HERC2: variants seen among roughly 807,000 people sequenced by gnomAD.
HERC2 encodes the protein E3 ubiquitin-protein ligase HERC2.
HERC2 carries 102 observed loss-of-function variants against 537.7 expected under a neutral mutation model. The ratio of observed to expected loss-of-function variants is 0.19; its 90% confidence interval spans 0.16 to 0.22. The LOEUF is 0.22. Ranked by LOEUF, HERC2 falls within the 10% of genes least tolerant of loss-of-function variation. The pLI, the probability that HERC2 is intolerant of heterozygous loss-of-function variation, is 1.00. For synonymous variants in HERC2, 2,224 were observed against 2,466.2 expected (o/e 0.90, Z 2.91); for missense variants, 4,236 against 6,198.2 (o/e 0.68, Z 10.63).
At chr15:28,219,132 C>A (rs1900246994) in intron 37 of HERC2, among the ~76,000 whole-genome samples, 1 of 152,228 alleles carries the variant, frequency 6.6e-6, no homozygotes, top group Admixed American at 6.5e-5. Context: ...ATAAATGATT[C>A]CAAGGTTTCA....
chr15:28,151,899 TGA>T (rs1566947754), intron 70 of HERC2, among the ~76,000 whole-genome samples: 32 of 152,184 alleles, frequency 2.1e-4, no homozygotes, highest in Non-Finnish European at 3.1e-4. Flanking sequence ...AACTACAGGA[TGA>T]AGGGAAATGC....
chr15:28,175,411 T>A, intron 64 of HERC2, 101 bp downstream of exon 64: 1 of 1,150,122 alleles, frequency 8.7e-7, no homozygotes, highest in Non-Finnish European at 1.2e-6. Context: ...TCAGCTGATT[T>A]CATCAACAGC....
intron 5 of HERC2, among the ~76,000 whole-genome samples, chr15:28,278,070 A>C (rs2141034605): frequency 1.3e-5 from 2 of 152,056 alleles, no homozygotes; most frequent in Admixed American, 1.3e-4. Flanking sequence ...AGCCCGGGCA[A>C]CATGGCAAAA....
At chr15:28,189,552 C>A (rs1461753211) in intron 55 of HERC2, among the ~76,000 whole-genome samples, 3 of 152,188 alleles carry the variant, frequency 2.0e-5, no homozygotes, top group Non-Finnish European at 4.4e-5. Flanking sequence ...ATTAGCACCA[C>A]TGGTATTGGC....
intron 10 of HERC2, among the ~76,000 whole-genome samples, chr15:28,269,743 G>A (rs144052444): frequency 6.6e-6 from 1 of 152,258 alleles, no homozygotes; most frequent in East Asian, 1.9e-4. Flanking sequence ...TCACCATTTT[G>A]TGCTTTAGCA....
rs1250444427 is a variant in HERC2, at chr15:28,167,832, T to G, written c.10414-5A>C. 9 of 1,606,896 alleles carry G rather than the reference T, an allele frequency of 5.6e-6. No individual in the cohort carries two copies. Among genetic ancestry groups the G allele is most frequent in the Non-Finnish European group, 7.6e-6 (9 of 1,177,882 alleles). On this transcript the variant is annotated splice_polypyrimidine_tract_variant and splice_region_variant and intron_variant, in intron 67 of 92. Transcript: ENST00000261609. ...TGCGTCCTCAGAGGAAACAATCTAG[T>G]CCAAGAGTGCACAGTAGGGGAAGTT...
Position 28,186,651 on chromosome 15 carries a change from C to CTCT in HERC2, c.8748_8750dup (p.Glu2918dup). On this transcript the variant is annotated inframe_insertion, in exon 56 of 93. Transcript: ENST00000261609. Reference sequence around the variant, plus strand: ...AGAAAGGAACTGCAGCCAAATCTTCCTCTTCTGCACGGATCCGTCCCAGCA... The same window carrying CTCT: ...AGAAAGGAACTGCAGCCAAATCTTCCTCTTCTTCTGCACGGATCCGTCCCAGCA... The CTCT allele has an allele frequency of 3.1e-6, 5 of 1,614,140 alleles. No individual in the cohort carries two copies. The highest frequency in any genetic ancestry group is 3.4e-6 in the Non-Finnish European group (4 of 1,179,992).
At position 28,152,703 on chromosome 15, in the gene HERC2, G is replaced by A; in HGVS notation, c.10874C>T (p.Ser3625Phe). Reference sequence around the variant, plus strand: ...TGGTATCTTCACTGTGCCACTGGTGGAGGTGTCGTCGGTGTAAGGGTGGCT... The same window carrying A: ...TGGTATCTTCACTGTGCCACTGGTGAAGGTGTCGTCGGTGTAAGGGTGGCT... Reference protein sequence around the residue: ...ESSHPYTDDTSTSGTVKIPGA... With the variant: ...ESSHPYTDDTFTSGTVKIPGA... The change falls in exon 70 of 93, where the codon TCC (serine) becomes TTC (phenylalanine). Residue 3625 changes from serine to phenylalanine, a missense_variant. Ser to Phe is a radical substitution (Grantham distance 155, BLOSUM62 -2). Around this residue, in one of 27 missense-constraint regions of HERC2, gnomAD observed 356 missense variants for 450.9 expected, o/e 0.79. Coordinates refer to ENST00000261609, the MANE Select transcript of HERC2 (RefSeq NM_004667.6). 1 of 1,551,018 alleles carries A rather than the reference G, an allele frequency of 6.4e-7. No homozygotes were observed. The highest frequency in any genetic ancestry group is 8.7e-7 in the Non-Finnish European group (1 of 1,146,944).
intron 52 of HERC2, among the ~76,000 whole-genome samples, chr15:28,194,527 G>A (rs1459734904): frequency 1.3e-5 from 2 of 151,372 alleles, no homozygotes; most frequent in Admixed American, 6.6e-5. Context: ...CCAAGATCAC[G>A]CGCCACTGCA....
chr15:28,171,931 C>T (rs999412558), intron 65 of HERC2, among the ~76,000 whole-genome samples: 3 of 151,748 alleles, frequency 2.0e-5, no homozygotes, highest in Admixed American at 6.6e-5. Context: ...AAAAATTAGC[C>T]GGGCGTGGTG....
intron 2 of HERC2, chr15:28,320,331 C>A (rs1313387176): frequency 6.6e-6 from 1 of 152,250 alleles, no homozygotes; most frequent in Non-Finnish European, 1.5e-5. Context: ...TCAGGCTGGT[C>A]TCCAACTCCT....
Position 28,175,989 on chromosome 15 carries a change from G to A in HERC2, c.9687-333C>T, listed in dbSNP as rs537112862. Among the ~76,000 whole-genome samples the A allele has an allele frequency of 2.6e-5, 4 of 152,252 alleles. No homozygotes were observed. The South Asian group carries it at 8.3e-4, about 32-fold the overall frequency. On this transcript the variant is annotated intron_variant, in intron 63 of 92. Transcript: ENST00000261609. ...ATACATCTTTCTCAAGCTGCCTCGG[G>A]TCATGACATTGGCACTAAGGCCTGA... is the stretch of plus-strand genomic sequence containing the variant.
chr15:28,318,073 C>G (rs773653412), intron 2 of HERC2, among the ~76,000 whole-genome samples: 2 of 152,090 alleles, frequency 1.3e-5, no homozygotes, highest in African/African-American at 2.4e-5. Flanking sequence ...GCGCCTTTAC[C>G]TTACAACAAA....
At chr15:28,165,858 T>G (rs1334751283) in intron 68 of HERC2, among the ~76,000 whole-genome samples, 1 of 152,090 alleles carries the variant, frequency 6.6e-6, no homozygotes, top group Admixed American at 6.6e-5. Context: ...ACACACATAT[T>G]CATTCTCTAG....
At chr15:28,183,899 G>A (rs1243384202) in intron 56 of HERC2, among the ~76,000 whole-genome samples, 1 of 152,136 alleles carries the variant, frequency 6.6e-6, no homozygotes, top group Non-Finnish European at 1.5e-5. Flanking sequence ...TTAAAAATAT[G>A]TATGGGGACC....
chr15:28,164,519 G>A (rs1893935113), intron 68 of HERC2, among the ~76,000 whole-genome samples: 1 of 151,466 alleles, frequency 6.6e-6, no homozygotes, highest in Non-Finnish European at 1.5e-5. Flanking sequence ...TTAGTCTTGA[G>A]ATTGAAATGT....
chr15:28,288,022 A>G (rs2076207623), intron 4 of HERC2, among the ~76,000 whole-genome samples: 1 of 152,126 alleles, frequency 6.6e-6, no homozygotes, highest in African/African-American at 2.4e-5. Flanking sequence ...GCTCCCAGCC[A>G]CTTATTCCTA....
In HERC2 at chr15:28,269,215, G is replaced by T. The variant is rs374925472; in HGVS notation, c.1446+33C>A. On this transcript the variant is annotated intron_variant, in intron 11 of 92. Transcript: ENST00000261609. ...GTAGGACAGACCCTGCCCCGCAAGG[G>T]AACACTGCAGGCACAGTGCCCAGAA... 14 of 1,585,372 alleles carry T rather than the reference G, an allele frequency of 8.8e-6. No individual in the cohort carries two copies. The African/African-American group carries it at 1.7e-4, about 20-fold the overall frequency.
chr15:28,176,385 C>T lies in HERC2; in HGVS notation c.9686+43G>A. 6.2e-7 allele frequency: 1 copy of T among 1,603,838 alleles called. No homozygotes were observed. The highest frequency in any genetic ancestry group is 8.5e-7 in the Non-Finnish European group (1 of 1,172,032). Reference sequence around the variant, plus strand: ...CGAGGCCCAGGTTCCCTGCACACACCTGCACAAGCACACACAGTGTGACAG... The same window carrying T: ...CGAGGCCCAGGTTCCCTGCACACACTTGCACAAGCACACACAGTGTGACAG... On this transcript the variant is annotated intron_variant, in intron 63 of 92. Coordinates refer to ENST00000261609, the MANE Select transcript of HERC2 (RefSeq NM_004667.6). This position sits in a 1 kb window ranked among gnomAD's most constrained non-coding sequence, Gnocchi z 5.0.
Sources: allele counts gnomAD v4.1 joint callset (sites outside exome capture counted in the v4.1 genomes callset), GRCh38; gene constraint gnomAD v4.1.1; regional missense constraint gnomAD v4.1.1; non-coding constraint Gnocchi (gnomAD v3.1); transcripts MANE v1.5; gene names NCBI Gene and HGNC (gene_info 2026-07-23, HGNC 2026-07-21).